Variants in ACSBG1 observed in about 807,000 individuals in gnomAD.
The protein encoded by ACSBG1 is acyl-CoA synthetase bubblegum family member 1, also known as long-chain-fatty-acid--CoA ligase ACSBG1.
Under a neutral mutation model 80.2 loss-of-function variants are expected in ACSBG1, and 39 were observed. The ratio of observed to expected loss-of-function variants is 0.49; its 90% CI spans 0.38 to 0.64. The LOEUF is 0.64. ACSBG1 is among the 30% of genes least tolerant of loss of function. The pLI, the probability that ACSBG1 is intolerant of heterozygous loss-of-function variation, is 0.00. For synonymous variants in ACSBG1, 392 were observed against 379.5 expected (o/e 1.03, Z -0.38); for missense variants, 828 against 966.4 (o/e 0.86, Z 1.90).
intron 5 of ACSBG1, among the ~76,000 whole-genome samples, chr15:78,184,809 G>A (rs2074982429): frequency 6.6e-6 from 1 of 152,198 alleles, no homozygotes; most frequent in Non-Finnish European, 1.5e-5. Context: ...GGCCCCAGCT[G>A]GCGCCCAGGG....
At chr15:78,194,102 T>G in intron 3 of ACSBG1, 82 bp from the exon 4 acceptor site, 1 of 1,380,028 alleles carries the variant, frequency 7.2e-7, no homozygotes. Flanking sequence ...CCACCCAGAC[T>G]GCAGGGGACC....
chr15:78,232,403 A>C (rs1005999142), intron 1 of ACSBG1, among the ~76,000 whole-genome samples: 1 of 152,166 alleles, frequency 6.6e-6, no homozygotes, highest in African/African-American at 2.4e-5. Flanking sequence ...GCACAAGCCT[A>C]GGGTTCTGCC....
At chr15:78,202,512 T>A (rs1181487893) in intron 2 of ACSBG1, among the ~76,000 whole-genome samples, 2 of 152,138 alleles carry the variant, frequency 1.3e-5, no homozygotes, top group East Asian at 3.8e-4. Context: ...CCCGGCCTCC[T>A]CCTAGCCTCT....
At chr15:78,222,735 A>G (rs1408497012) in intron 1 of ACSBG1, among the ~76,000 whole-genome samples, 6 of 152,222 alleles carry the variant, frequency 3.9e-5, no homozygotes, top group Non-Finnish European at 7.3e-5. Flanking sequence ...CATATTACAT[A>G]AAAGGAAACT....
chr15:78,179,480 T>C, intron 10 of ACSBG1, 70 bp downstream of exon 10: 1 of 1,433,594 alleles, frequency 7.0e-7, no homozygotes, highest in East Asian at 2.3e-5. Context: ...CCCAGGGCAC[T>C]CAGCAGGCGG....
chr15:78,181,895 T>A, intron 8 of ACSBG1, 74 bp downstream of exon 8: 1 of 1,547,482 alleles, frequency 6.5e-7, no homozygotes, highest in South Asian at 1.2e-5. Flanking sequence ...ACAAATGCAC[T>A]CAGGGCCCAC....
At chr15:78,194,429 AGAG>A (rs1348323755) in intron 3 of ACSBG1, 74 bp downstream of exon 3, 3 of 1,388,752 alleles carry the variant, frequency 2.2e-6, no homozygotes, top group Middle Eastern at 2.0e-4. Flanking sequence ...GGGCAGTTGG[AGAG>A]GAGGCCTGTG....
At chr15:78,208,512 T>TTCCCCCATATGTCAC (rs2075238082) in intron 1 of ACSBG1, among the ~76,000 whole-genome samples, 1 of 151,816 alleles carries the variant, frequency 6.6e-6, no homozygotes, top group Non-Finnish European at 1.5e-5. Flanking sequence ...GGGGCGGGGG[T>TTCCCCCATATGTCAC]TCCCCCATCT....
chr15:78,212,101 T>C (rs1371625842), intron 1 of ACSBG1, among the ~76,000 whole-genome samples: 1 of 152,226 alleles, frequency 6.6e-6, no homozygotes, highest in African/African-American at 2.4e-5. Context: ...TCTGTTACCC[T>C]TTCTTCTCAC....
chr15:78,218,226 A>T (rs1039152638), intron 1 of ACSBG1, among the ~76,000 whole-genome samples: 1 of 150,962 alleles, frequency 6.6e-6, no homozygotes, highest in East Asian at 1.9e-4. Flanking sequence ...GGAGATGAGA[A>T]GAAAGAACAC....
intron 10 of ACSBG1, 197 bp from the exon 11 acceptor site, chr15:78,179,028 G>C: frequency 5.2e-6 from 3 of 581,506 alleles, no homozygotes; most frequent in East Asian, 5.7e-5. Context: ...AAGGAAGGAA[G>C]GAACAAATGA....
At chr15:78,230,089 C>T (rs1466293754) in intron 1 of ACSBG1, among the ~76,000 whole-genome samples, 1 of 152,230 alleles carries the variant, frequency 6.6e-6, no homozygotes, top group Non-Finnish European at 1.5e-5. Flanking sequence ...AGACCGGTGT[C>T]TCCACTGGAC....
chr15:78,229,694 T>C (rs2141394490), intron 1 of ACSBG1, among the ~76,000 whole-genome samples: 1 of 152,236 alleles, frequency 6.6e-6, no homozygotes, highest in African/African-American at 2.4e-5. Flanking sequence ...GATGGGACCC[T>C]TGGAGCTCCC....
chr15:78,179,834 C>T (rs2074923808), intron 9 of ACSBG1, 54 bp from the exon 10 acceptor site: 2 of 1,314,634 alleles, frequency 1.5e-6, no homozygotes, highest in African/African-American at 1.4e-5. Flanking sequence ...CACACACACA[C>T]ACACACACAT....
chr15:78,189,395 A>C (rs1216681927), intron 5 of ACSBG1, among the ~76,000 whole-genome samples: 1 of 151,666 alleles, frequency 6.6e-6, no homozygotes, highest in African/African-American at 2.4e-5. Context: ...GGCACTATTC[A>C]CAATAGCAAA....
At chr15:78,213,083 G>A (rs2075280809) in intron 1 of ACSBG1, among the ~76,000 whole-genome samples, 2 of 152,182 alleles carry the variant, frequency 1.3e-5, no homozygotes, top group African/African-American at 2.4e-5. Context: ...GCTGGAGAAT[G>A]TTCTCCATGG....
At chr15:78,216,211 C>T (rs1219816530) in intron 1 of ACSBG1, among the ~76,000 whole-genome samples, 1 of 152,198 alleles carries the variant, frequency 6.6e-6, no homozygotes, top group East Asian at 1.9e-4. Flanking sequence ...TTTAGCACCT[C>T]CTCTGTGCCG....
At chr15:78,193,034 C>T (rs1400943724) in intron 5 of ACSBG1, among the ~76,000 whole-genome samples, 1 of 152,196 alleles carries the variant, frequency 6.6e-6, no homozygotes, top group East Asian at 1.9e-4. Context: ...TGAGCTCCTG[C>T]TCTGCCCAAA....
At chr15:78,191,738 G>A (rs2075058594) in intron 5 of ACSBG1, among the ~76,000 whole-genome samples, 1 of 152,220 alleles carries the variant, frequency 6.6e-6, no homozygotes, top group South Asian at 2.1e-4. Context: ...TCATGAAGAA[G>A]CCCAACATAA....
Sources: allele counts gnomAD v4.1 joint callset (sites outside exome capture counted in the v4.1 genomes callset), GRCh38; gene constraint gnomAD v4.1.1; transcripts MANE v1.5; gene names NCBI Gene and HGNC (gene_info 2026-07-23, HGNC 2026-07-21).